The following FHOD3 variants were observed in gnomAD, a reference collection of about 807,000 sequenced individuals.
FHOD3 encodes FH1/FH2 domain-containing protein 3.
FHOD3 carries 90 observed loss-of-function variants against 173.0 expected under a neutral mutation model. That is an observed-to-expected ratio of 0.52 (90% CI 0.44 to 0.62). The LOEUF is 0.62. Ranked by LOEUF, FHOD3 falls within the 20% of genes least tolerant of loss-of-function variation. The pLI is 0.00. For missense variants in FHOD3, 1,945 were observed against 2,034.7 expected, an observed-to-expected ratio of 0.96 and a Z score of 0.85; for synonymous variants, 828 against 823.0, an observed-to-expected ratio of 1.01 and a Z score of -0.10.
chr18:36,721,493 G>A (rs1352808947), intron 19 of FHOD3, among the ~76,000 whole-genome samples: 1 of 152,074 alleles, frequency 6.6e-6, no homozygotes, highest in African/African-American at 2.4e-5. Flanking sequence ...GTACACACAC[G>A]CACACAGCCA....
chr18:36,449,103 T>G (rs907390012), intron 3 of FHOD3, among the ~76,000 whole-genome samples: 1 of 152,134 alleles, frequency 6.6e-6, no homozygotes, highest in African/African-American at 2.4e-5. Context: ...CCAAAGCAGT[T>G]AATCCCTAAT....
At chr18:36,309,785 CTG>C (rs1441036004) in intron 1 of FHOD3, among the ~76,000 whole-genome samples, 1 of 152,206 alleles carries the variant, frequency 6.6e-6, no homozygotes, top group African/African-American at 2.4e-5. Flanking sequence ...GTTCCCAGAA[CTG>C]AGTGCATTTT....
At chr18:36,741,799 C>T (rs2041916484) in intron 21 of FHOD3, among the ~76,000 whole-genome samples, 1 of 151,824 alleles carries the variant, frequency 6.6e-6, no homozygotes, top group South Asian at 2.1e-4. Context: ...AGTGGGGAGG[C>T]TGTGTGGTCT....
intron 3 of FHOD3, among the ~76,000 whole-genome samples, chr18:36,411,402 G>A (rs2146892405): frequency 6.6e-6 from 1 of 152,294 alleles, no homozygotes; most frequent in Middle Eastern, 3.4e-3. Context: ...GTTACTATGT[G>A]ATCCTGAATG....
At chr18:36,487,069 G>A (rs1349384443) in intron 3 of FHOD3, among the ~76,000 whole-genome samples, 2 of 152,138 alleles carry the variant, frequency 1.3e-5, no homozygotes, top group Non-Finnish European at 2.9e-5. Context: ...GTTTCCAGTA[G>A]GGTGTTTTTA....
At chr18:36,444,192 C>CCAAA (rs2051328031) in intron 3 of FHOD3, among the ~76,000 whole-genome samples, 1 of 88,086 alleles carries the variant, frequency 1.1e-5, no homozygotes, top group Non-Finnish European at 2.1e-5. Flanking sequence ...GACTCCGTCT[C>CCAAA]AAAAAAAAAA....
chr18:36,635,210 T>G lies in FHOD3; in HGVS notation c.1196+9461T>G, dbSNP rs574608054. Among the ~76,000 whole-genome samples, 35 of 152,352 alleles carry G rather than the reference T, an allele frequency of 2.3e-4. No individual in the cohort carries two copies. In the South Asian group the frequency reaches 7.0e-3, roughly 31 times the overall value. On this transcript the variant is annotated intron_variant, in intron 10 of 28. Transcript: ENST00000590592. The stretch of plus-strand genomic sequence containing the variant: ...CTGGGACATGAGGAAGAAGTTACTT[T>G]GCAATGCTCCTGGTATCTGGGGCGG...
intron 2 of FHOD3, among the ~76,000 whole-genome samples, chr18:36,363,450 A>T (rs2046732007): frequency 6.6e-6 from 1 of 152,230 alleles, no homozygotes; most frequent in Non-Finnish European, 1.5e-5. Context: ...ACCATGAAAT[A>T]TTTTTTATTT....
chr18:36,444,049 C>T (rs555545396), intron 3 of FHOD3, among the ~76,000 whole-genome samples: 23 of 152,016 alleles, frequency 1.5e-4, no homozygotes, highest in Admixed American at 7.2e-4. Flanking sequence ...AAAAATTAGC[C>T]GGGGGCAGTG....
intron 24 of FHOD3, among the ~76,000 whole-genome samples, chr18:36,752,878 C>T (rs1410988641): frequency 1.3e-5 from 2 of 152,062 alleles, no homozygotes; most frequent in Non-Finnish European, 2.9e-5. Flanking sequence ...ATGGATTCTC[C>T]CCTCAAATCT....
At chr18:36,385,463 C>T (rs1283601370) in intron 3 of FHOD3, among the ~76,000 whole-genome samples, 1 of 151,610 alleles carries the variant, frequency 6.6e-6, no homozygotes, top group South Asian at 2.1e-4. Context: ...GTGGTGAGAT[C>T]TCGGTTCACT....
chr18:36,331,818 C>A (rs1287654462), intron 1 of FHOD3, among the ~76,000 whole-genome samples: 1 of 152,058 alleles, frequency 6.6e-6, no homozygotes, highest in Non-Finnish European at 1.5e-5. Context: ...GGCACCGGTG[C>A]AGGCAGGAGC....
chr18:36,406,520 G>A (rs1006540718), intron 3 of FHOD3, among the ~76,000 whole-genome samples: 7 of 152,108 alleles, frequency 4.6e-5, no homozygotes, highest in African/African-American at 1.7e-4. Context: ...GGATGCAAAT[G>A]CCTTTTACAG....
intron 4 of FHOD3, among the ~76,000 whole-genome samples, chr18:36,511,951 C>T: frequency 6.6e-6 from 1 of 152,232 alleles, no homozygotes. Flanking sequence ...AAACTGCTTC[C>T]TGTGGTTCTC....
chr18:36,633,399 G>A (rs1435113205), intron 10 of FHOD3, among the ~76,000 whole-genome samples: 1 of 152,184 alleles, frequency 6.6e-6, no homozygotes, highest in East Asian at 1.9e-4. Context: ...TGACATTCCT[G>A]GAGTTGGGGG....
Position 36,380,562 on chromosome 18 carries a change from C to CTTTTG in FHOD3, c.337+7822_337+7823insGTTTT, listed in dbSNP as rs1469141869. On this transcript the variant is annotated intron_variant, in intron 3 of 28. Transcript: ENST00000590592. Reference sequence around the variant, plus strand: ...CTCTCTCTTTCTTTTGTTTTCTTTTCTTTTCTTTTCTTTTCTTTTCCTTTC... The same window carrying CTTTTG: ...CTCTCTCTTTCTTTTGTTTTCTTTTCTTTTGTTTTCTTTTCTTTTCTTTTCCTTTC... Among the ~76,000 whole-genome samples the CTTTTG allele has an allele frequency of 6.3e-3, 637 of 101,476 alleles. 13 individuals carry two copies. Among genetic ancestry groups the CTTTTG allele is most frequent in the African/African-American group, 0.023 (615 of 26,400 alleles). The allele number at this position is 101,476 out of a possible 152,430, so 66.6% of individuals were successfully genotyped here. A position where few individuals can be genotyped will look rare whatever the true frequency, so the allele number is the denominator to read the frequency against.
chr18:36,693,434 G>C lies in FHOD3; in HGVS notation c.2236+11G>C. The C allele has an allele frequency of 1.2e-6, 2 of 1,609,564 alleles. No homozygotes were observed. The highest frequency in any genetic ancestry group is 8.5e-7 in the Non-Finnish European group (1 of 1,176,952). On this transcript the variant is annotated intron_variant, in intron 17 of 28. Transcript: ENST00000590592. Reference sequence around the variant, plus strand: ...CTCACCATCCCCAAGGTGAGTACAGGGAGAGTAGAGGGAAAATGAACAGGT... The same window carrying C: ...CTCACCATCCCCAAGGTGAGTACAGCGAGAGTAGAGGGAAAATGAACAGGT...
chr18:36,519,367 C>T (rs17566030), intron 5 of FHOD3, among the ~76,000 whole-genome samples: 50,882 of 152,082 alleles, frequency 0.33, 9,345 homozygotes, highest in Non-Finnish European at 0.42. Flanking sequence ...GCTGCCGTCT[C>T]TCTGGTGTTT....
intron 1 of FHOD3, 135 bp from the exon 2 acceptor site, chr18:36,355,404 C>T (rs1164050578): frequency 1.5e-6 from 1 of 671,436 alleles, no homozygotes; most frequent in African/African-American, 1.8e-5. Flanking sequence ...AACATACTAG[C>T]TCTTCAAGTT....
Sources: allele counts gnomAD v4.1 joint callset (sites outside exome capture counted in the v4.1 genomes callset), GRCh38; gene constraint gnomAD v4.1.1; transcripts MANE v1.5; gene names NCBI Gene and HGNC (gene_info 2026-07-23, HGNC 2026-07-21).